Variants in PDE4B observed in about 807,000 individuals in gnomAD.
PDE4B encodes the protein 3',5'-cyclic-AMP phosphodiesterase 4B.
PDE4B carries 20 observed loss-of-function variants against 82.2 expected under a neutral mutation model. That is an observed-to-expected ratio of 0.24 (90% CI 0.17 to 0.35). The LOEUF is 0.35. Ranked by LOEUF, PDE4B falls within the 10% of genes least tolerant of loss-of-function variation. PDE4B has a pLI of 1.00. For missense variants in PDE4B, 655 were observed against 907.2 expected (o/e 0.72, Z 3.57); for synonymous variants, 320 against 318.9 (o/e 1.00, Z -0.04).
At chr1:66,070,909 G>C (rs11810832) in intron 3 of PDE4B, among the ~76,000 whole-genome samples, 57 of 151,898 alleles carry the variant, frequency 3.8e-4, no homozygotes, top group African/African-American at 1.4e-3. Context: ...ATTTTGATTG[G>C]ATATGACATC....
chr1:65,811,035 T>C (rs1359006711), intron 1 of PDE4B, among the ~76,000 whole-genome samples: 3 of 152,134 alleles, frequency 2.0e-5, no homozygotes, highest in Non-Finnish European at 4.4e-5. Flanking sequence ...ACCAACTAGA[T>C]GCAAACAACA....
chr1:66,049,862 A>T (rs562645587), intron 3 of PDE4B, among the ~76,000 whole-genome samples: 24 of 152,160 alleles, frequency 1.6e-4, no homozygotes, highest in Admixed American at 1.4e-3. Context: ...ATAAATACGA[A>T]TTGGATCCCG....
Position 65,801,510 on chromosome 1 carries a change from T to C in PDE4B, c.-71+8262T>C, listed in dbSNP as rs527722864. 2.8e-3 allele frequency among the ~76,000 whole-genome samples: 433 copies of C among 152,340 alleles called. 1 individual carries two copies. Among genetic ancestry groups the C allele is most frequent in the African/African-American group, 9.8e-3 (407 of 41,582 alleles). ...TGAAACTTAGGGTACTTTGTACCAA[T>C]ACTTTCATTTTGAAGAAGTTTGGGT... On this transcript the variant is annotated intron_variant, in intron 1 of 16. Coordinates refer to ENST00000341517, the MANE Select transcript of PDE4B (RefSeq NM_002600.4).
intron 3 of PDE4B, among the ~76,000 whole-genome samples, chr1:65,971,746 G>A (rs946107322): frequency 2.0e-5 from 3 of 152,110 alleles, no homozygotes; most frequent in African/African-American, 4.8e-5. Context: ...TTGAGAAATC[G>A]AGAATGTAAA....
chr1:66,086,558 T>C (rs952336341), intron 3 of PDE4B, among the ~76,000 whole-genome samples: 12 of 152,178 alleles, frequency 7.9e-5, no homozygotes, highest in African/African-American at 2.7e-4. Context: ...ATTAAGTAAA[T>C]AACATTTTAC....
intron 3 of PDE4B, among the ~76,000 whole-genome samples, chr1:66,056,535 CT>C (rs780061695): frequency 0.1 from 6,967 of 68,924 alleles, 153 homozygotes; most frequent in East Asian, 0.2. Flanking sequence ...TATCTATCAT[CT>C]ATCTATCTAT....
intron 2 of PDE4B, 88 bp downstream of exon 2, chr1:65,913,444 T>TA: frequency 8.1e-7 from 1 of 1,234,450 alleles, no homozygotes; most frequent in Admixed American, 1.7e-5. Flanking sequence ...TGGGGGCATT[T>TA]AACACACCAC....
chr1:66,073,015 C>T (rs1413146991), intron 3 of PDE4B, among the ~76,000 whole-genome samples: 2 of 146,966 alleles, frequency 1.4e-5, no homozygotes. Context: ...GCCTTTAGCC[C>T]TTTTTTTTTT....
chr1:66,111,152 G>A (rs1407961710), intron 3 of PDE4B, among the ~76,000 whole-genome samples: 2 of 151,946 alleles, frequency 1.3e-5, no homozygotes, highest in African/African-American at 4.8e-5. Context: ...TACCCCACAT[G>A]AAAAGACCTG....
intron 3 of PDE4B, among the ~76,000 whole-genome samples, chr1:66,026,282 A>G (rs1282680069): frequency 6.6e-6 from 1 of 152,154 alleles, no homozygotes; most frequent in Non-Finnish European, 1.5e-5. Flanking sequence ...TCTTGGGTAA[A>G]TGGTTAGTCT....
chr1:66,131,592 G>GATATAAATATATATAT (rs1645945331), intron 3 of PDE4B, among the ~76,000 whole-genome samples: 1 of 32,842 alleles, frequency 3.0e-5, no homozygotes, highest in Non-Finnish European at 7.9e-5. Context: ...CTGAATGCCA[G>GATATAAATATATATAT]ATATATATAT....
At chr1:65,959,075 A>C (rs1649416815) in intron 3 of PDE4B, among the ~76,000 whole-genome samples, 1 of 152,214 alleles carries the variant, frequency 6.6e-6, no homozygotes, top group Non-Finnish European at 1.5e-5. Flanking sequence ...GTAGGCTAAC[A>C]CCGCTGTGCC....
intron 1 of PDE4B, among the ~76,000 whole-genome samples, chr1:65,818,042 T>C (rs575406408): frequency 7.6e-4 from 116 of 152,304 alleles, no homozygotes; most frequent in Non-Finnish European, 1.2e-3. Flanking sequence ...GTCACTGTTA[T>C]TGATTTTGCC....
At chr1:65,817,819 G>T (rs1262105573) in intron 1 of PDE4B, among the ~76,000 whole-genome samples, 1 of 152,026 alleles carries the variant, frequency 6.6e-6, no homozygotes, top group Non-Finnish European at 1.5e-5. Context: ...TTTCAAAAAT[G>T]TCTTCTGTAA....
In PDE4B at chr1:65,967,844, G is replaced by A. The variant is rs1192359241; in HGVS notation, c.281+49009G>A. Among the ~76,000 whole-genome samples, 12 of 152,162 alleles carry A rather than the reference G, an allele frequency of 7.9e-5. No homozygotes were observed. The South Asian group carries it at 2.5e-3, about 32-fold the overall frequency. On this transcript the variant is annotated intron_variant, in intron 3 of 16. Transcript: ENST00000341517. Reference sequence around the variant, plus strand: ...TGAAAACACATGGACACAGGGAGGGGAACATCACACACCAGGGCCTTTCGA... The same window carrying A: ...TGAAAACACATGGACACAGGGAGGGAAACATCACACACCAGGGCCTTTCGA...
At chr1:66,360,535 G>C (rs151114398) in intron 9 of PDE4B, 4 of 152,214 alleles carry the variant, frequency 2.6e-5, no homozygotes, top group African/African-American at 9.6e-5. Flanking sequence ...TGTAACCAGC[G>C]GAGGTAAATG....
At chr1:66,086,357 A>G (rs867504870) in intron 3 of PDE4B, among the ~76,000 whole-genome samples, 87 of 152,186 alleles carry the variant, frequency 5.7e-4, no homozygotes, top group African/African-American at 1.9e-3. Flanking sequence ...TATCTTTTCT[A>G]CCTGAGATTT....
At chr1:66,052,652 C>T (rs548772197) in intron 3 of PDE4B, among the ~76,000 whole-genome samples, 1 of 151,940 alleles carries the variant, frequency 6.6e-6, no homozygotes, top group South Asian at 2.1e-4. Context: ...AGCTGTTTCC[C>T]AGAACTGTGA....
intron 3 of PDE4B, among the ~76,000 whole-genome samples, chr1:66,096,166 C>T (rs1645109907): frequency 6.6e-6 from 1 of 151,672 alleles, no homozygotes; most frequent in African/African-American, 2.4e-5. Flanking sequence ...TGTGCATATA[C>T]CCTTTTCCTT....
Sources: allele counts gnomAD v4.1 joint callset (sites outside exome capture counted in the v4.1 genomes callset), GRCh38; gene constraint gnomAD v4.1.1; transcripts MANE v1.5; gene names NCBI Gene and HGNC (gene_info 2026-07-23, HGNC 2026-07-21).